CEP350: variants seen among roughly 807,000 people sequenced by gnomAD.
The protein encoded by CEP350 is centrosomal protein 350, also known as centrosome-associated protein 350.
Under a neutral mutation model 331.8 loss-of-function variants are expected in CEP350, and 126 were observed. The observed-to-expected ratio is 0.38, with a 90% CI of 0.33 to 0.44. The LOEUF (loss-of-function observed/expected upper bound fraction) is 0.44, where lower values mean the gene tolerates loss of function less well. Ranked by LOEUF, CEP350 falls within the 20% of genes least tolerant of loss-of-function variation. CEP350 has a pLI of 1.00. For synonymous variants in CEP350, 1,200 were observed against 1,259.5 expected (o/e 0.95, Z 1.00); for missense variants, 3,406 against 3,634.6 (o/e 0.94, Z 1.62).
intron 1 of CEP350, among the ~76,000 whole-genome samples, chr1:179,974,035 AT>A (rs1651654061): frequency 7.4e-6 from 1 of 134,902 alleles, no homozygotes; most frequent in African/African-American, 2.7e-5. Context: ...ATTCTCCTTT[AT>A]TTTTTTCTGT....
At position 180,092,781 on chromosome 1, in the gene CEP350, G is replaced by T; in HGVS notation, c.6676G>T (p.Val2226Leu). ...AGAATCTGGAGATTCTCTAGAAAAT[G>T]TACCTGCATTACATCTTCTCAAAGA... ...REESGDSLEN[V>L]PALHLLKELN... The change falls in exon 34 of 38, where the codon GTA becomes TTA. Residue 2226 changes from valine (V) to leucine (L), a missense_variant. Physicochemically the swap from Val to Leu is conservative, Grantham distance 32. Around this residue, in one of 5 missense-constraint regions of CEP350, gnomAD observed 1,415 missense variants for 1,512.3 expected, o/e 0.94. Coordinates refer to ENST00000367607, the MANE Select transcript of CEP350 (RefSeq NM_014810.5). 2 of 1,581,968 alleles carry T rather than the reference G, an allele frequency of 1.3e-6. No individual in the cohort carries two copies. The highest frequency in any genetic ancestry group is 1.1e-5 in the South Asian group (1 of 87,000).
chr1:179,994,855 A>G (rs1032124836), intron 5 of CEP350, among the ~76,000 whole-genome samples: 5 of 152,184 alleles, frequency 3.3e-5, no homozygotes, highest in African/African-American at 7.2e-5. Context: ...CTGTTTTCTT[A>G]GAAAAATGCA....
chr1:180,056,172 A>T (rs1304671556), intron 25 of CEP350, among the ~76,000 whole-genome samples: 1 of 152,084 alleles, frequency 6.6e-6, no homozygotes, highest in African/African-American at 2.4e-5. Flanking sequence ...TTTTTGAAGG[A>T]TATTTTTAAT....
At chr1:180,002,319 C>G (rs553167944) in intron 6 of CEP350, among the ~76,000 whole-genome samples, 1 of 152,156 alleles carries the variant, frequency 6.6e-6, no homozygotes, top group East Asian at 1.9e-4. Flanking sequence ...AATAAAAATA[C>G]AAAAATTATC....
chr1:180,061,788 T>C (rs776882134), intron 25 of CEP350, among the ~76,000 whole-genome samples: 2 of 152,188 alleles, frequency 1.3e-5, no homozygotes, highest in Non-Finnish European at 2.9e-5. Flanking sequence ...TAATCCATGG[T>C]ATGAAACAGC....
At chr1:180,090,884 T>G in intron 33 of CEP350, 88 bp downstream of exon 33, 1 of 1,145,580 alleles carries the variant, frequency 8.7e-7, no homozygotes. Context: ...CTATAGCTTT[T>G]TTATTAAAAA....
At chr1:179,971,032 GTT>G (rs202043163) in intron 1 of CEP350, among the ~76,000 whole-genome samples, 4 of 140,116 alleles carry the variant, frequency 2.9e-5, no homozygotes, top group Admixed American at 7.1e-5. Context: ...GTTGTTGTTT[GTT>G]TTTTTTTTTT....
intron 25 of CEP350, 26 bp from the exon 26 acceptor site, chr1:180,062,193 TC>T (rs1418985642): frequency 5.2e-6 from 8 of 1,540,010 alleles, no homozygotes; most frequent in Non-Finnish European, 7.0e-6. Flanking sequence ...CCAATCTTAA[TC>T]CCTCTCTTAA....
intron 25 of CEP350, among the ~76,000 whole-genome samples, chr1:180,055,272 A>G (rs1657746075): frequency 6.6e-6 from 1 of 152,114 alleles, no homozygotes; most frequent in African/African-American, 2.4e-5. Context: ...CTGAGACTTA[A>G]TTTCCTCATC....
intron 1 of CEP350, chr1:179,969,515 G>C (rs563484414): frequency 2.0e-5 from 9 of 446,140 alleles, no homozygotes; most frequent in East Asian, 2.0e-4. Flanking sequence ...GCCTTAAGCT[G>C]TTCTTGCATG....
At chr1:180,045,162 C>CA (rs1393754366) in intron 21 of CEP350, among the ~76,000 whole-genome samples, 1 of 151,996 alleles carries the variant, frequency 6.6e-6, no homozygotes, top group Non-Finnish European at 1.5e-5. Flanking sequence ...GCCAACATGG[C>CA]AAAGCCCCAT....
chr1:179,974,818 T>A (rs1433895256), intron 1 of CEP350, among the ~76,000 whole-genome samples: 1 of 152,088 alleles, frequency 6.6e-6, no homozygotes. Flanking sequence ...AGGAGAGATC[T>A]GTCTCTTAAA....
At chr1:180,078,424 T>G in intron 28 of CEP350, 39 bp from the exon 29 acceptor site, 1 of 1,448,034 alleles carries the variant, frequency 6.9e-7, no homozygotes, top group Non-Finnish European at 9.6e-7. Flanking sequence ...TTGACCAAGA[T>G]TGTATCTTTT....
At chr1:180,088,431 A>G (rs1048172286) in intron 32 of CEP350, among the ~76,000 whole-genome samples, 1 of 152,160 alleles carries the variant, frequency 6.6e-6, no homozygotes, top group Non-Finnish European at 1.5e-5. Flanking sequence ...CAAAAAAAAA[A>G]AAAAACATTG....
At chr1:180,004,902 GCTTGCTTT>G (rs1355397317) in intron 7 of CEP350, among the ~76,000 whole-genome samples, 12 of 125,492 alleles carry the variant, frequency 9.6e-5, no homozygotes, top group African/African-American at 4.2e-4. Flanking sequence ...TTGCTTGCTT[GCTTGCTTT>G]CTTTCTTTCT....
chr1:180,044,075 T>C lies in CEP350; in HGVS notation c.4524T>C (p.Ser1508=). The C allele has an allele frequency of 6.4e-7, 1 of 1,551,730 alleles. No homozygotes were observed. Among genetic ancestry groups the C allele is most frequent in the South Asian group, 1.2e-5 (1 of 83,326 alleles). The part of the protein sequence containing the change: ...TDRKSPSVSL[S]QSKEGTLDSK... Reference sequence around the variant, plus strand: ...GGAAAAGTCCATCTGTTTCACTCTCTCAGAGTAAAGAAGGGACCCTTGACT... The same window carrying C: ...GGAAAAGTCCATCTGTTTCACTCTCCCAGAGTAAAGAAGGGACCCTTGACT... The change falls in exon 21 of 38, where the codon TCT becomes TCC. Residue 1508 remains serine (S), a synonymous_variant. Coordinates refer to ENST00000367607, the MANE Select transcript of CEP350 (RefSeq NM_014810.5).
At chr1:180,072,195 A>C (rs150334823) in intron 27 of CEP350, among the ~76,000 whole-genome samples, 1 of 152,116 alleles carries the variant, frequency 6.6e-6, no homozygotes, top group African/African-American at 2.4e-5. Context: ...AACTTTTCTT[A>C]CTCTGTTTTT....
Position 180,094,276 on chromosome 1 carries a change from C to T in CEP350, c.8171C>T (p.Thr2724Ile). ...KLCTPLLDLL[T>I]REKNQLEAQL... ...TGTACACCACTTCTGGATCTTTTAA[C>T]AAGAGAAAAAAACCAACTGGAAGCC... Residue 2724 changes from threonine (T) to isoleucine (I), a missense_variant, in exon 34 of 38, where the codon ACA becomes ATA. By Grantham distance (89) the Thr-to-Ile change is moderately conservative. This residue lies in a region of CEP350 where 1,415 missense variants were observed against 1,512.3 expected (regional missense o/e 0.94). Transcript: ENST00000367607. The T allele has an allele frequency of 1.2e-6, 2 of 1,613,394 alleles. No individual in the cohort carries two copies. The highest frequency in any genetic ancestry group is 1.1e-5 in the South Asian group (1 of 90,998).
At chr1:180,017,928 T>A (rs1655074181) in intron 11 of CEP350, among the ~76,000 whole-genome samples, 1 of 152,246 alleles carries the variant, frequency 6.6e-6, no homozygotes, top group African/African-American at 2.4e-5. Context: ...GTTTTAGTAT[T>A]TGTGATGTCT....
Sources: gnomAD v4.1 joint callset for allele counts (sites outside exome capture counted in the v4.1 genomes callset) on GRCh38, gnomAD v4.1.1 for gene constraint, gnomAD v4.1.1 regional missense constraint, MANE v1.5 for transcripts, NCBI Gene and HGNC (gene_info 2026-07-23, HGNC 2026-07-21) for gene names.